The following ZNF791 variants were observed in gnomAD, a reference collection of about 807,000 sequenced individuals.
ZNF791 encodes the protein zinc finger protein 791.
ZNF791 carries 4 observed loss-of-function variants against 11.5 expected under a neutral mutation model. That is an observed-to-expected ratio of 0.35 (90% CI 0.17 to 0.80). The LOEUF is 0.80. Ranked by LOEUF, ZNF791 falls within the 30% of genes least tolerant of loss-of-function variation. ZNF791 has a pLI of 0.53. For missense variants in ZNF791, 559 were observed against 699.4 expected (o/e 0.80, Z 2.26); for synonymous variants, 212 against 228.1 (o/e 0.93, Z 0.64).
intron 2 of ZNF791, 143 bp from the exon 3 acceptor site, chr19:12,624,507 A>C (rs987900552): frequency 1.5e-5 from 9 of 606,764 alleles, no homozygotes; most frequent in Non-Finnish European, 2.5e-5. Flanking sequence ...GCTCATAATC[A>C]CTGTTCCGAG....
At chr19:12,614,743 C>T (rs1185711476) in intron 1 of ZNF791, among the ~76,000 whole-genome samples, 11 of 151,486 alleles carry the variant, frequency 7.3e-5, no homozygotes, top group East Asian at 3.9e-4. Flanking sequence ...TACAGGCGTG[C>T]GCCACCATGC....
At chr19:12,624,350 A>G (rs957220046) in intron 2 of ZNF791, among the ~76,000 whole-genome samples, 1 of 151,038 alleles carries the variant, frequency 6.6e-6, no homozygotes, top group South Asian at 2.1e-4. Context: ...ACGGGGTTTT[A>G]TCATGTTGGC....
At position 12,633,834 on chromosome 19, in the gene ZNF791, A is replaced by T. The variant is rs35805590; in HGVS notation, c.*4574A>T. The T allele has an allele frequency of 1.3e-5, 2 of 150,818 alleles. No homozygotes were observed. Among genetic ancestry groups the T allele is most frequent in the Non-Finnish European group, 2.9e-5 (2 of 67,874 alleles). 9.3% of individuals were successfully genotyped at this position (150,818 alleles called of 1,614,324 possible). Reference sequence around the variant, plus strand: ...AGTAAAACAGTAAAAAAAAAAAAAAACAACTATATGGGAGTTTGTTCTCTT... The same window carrying T: ...AGTAAAACAGTAAAAAAAAAAAAAATCAACTATATGGGAGTTTGTTCTCTT... On this transcript the variant is annotated 3_prime_UTR_variant, in exon 4 of 4. Coordinates refer to ENST00000343325, the MANE Select transcript of ZNF791 (RefSeq NM_153358.3).
intron 1 of ZNF791, among the ~76,000 whole-genome samples, chr19:12,612,582 C>T (rs553881857): frequency 6.7e-6 from 1 of 150,270 alleles, no homozygotes; most frequent in South Asian, 2.1e-4. Context: ...GCTGGGATTA[C>T]AGGCACAAGC....
At position 12,629,071 on chromosome 19, in the gene ZNF791, C is replaced by T; in HGVS notation, c.1542C>T (p.His514=). 2 of 1,609,324 alleles carry T rather than the reference C, an allele frequency of 1.2e-6. No individual in the cohort carries two copies. Among genetic ancestry groups the T allele is most frequent in the Non-Finnish European group, 8.5e-7 (1 of 1,178,018 alleles). Residue 514 remains histidine (H), a synonymous_variant, in exon 4 of 4, where the codon CAC becomes CAT. Transcript: ENST00000343325. ...TTTATCCCACAAGCTTTCAAGGACACATGAGAATGCATACTGGAGAGAAAC... is the reference window on the plus strand; with the variant it reads ...TTTATCCCACAAGCTTTCAAGGACATATGAGAATGCATACTGGAGAGAAAC... The part of the protein sequence containing the change: ...AFIYPTSFQG[H]MRMHTGEKPY...
In ZNF791 at chr19:12,629,620, C is replaced by T. The variant is rs932975160; in HGVS notation, c.*360C>T. The T allele has an allele frequency of 7.7e-5, 12 of 156,434 alleles. No homozygotes were observed. The highest frequency in any genetic ancestry group is 5.1e-4 in the Admixed American group (8 of 15,572). The allele number at this position is 156,434 out of a possible 1,614,324, so 9.7% of individuals were successfully genotyped here. A position where few individuals can be genotyped will look rare whatever the true frequency, so the allele number is the denominator to read the frequency against. On this transcript the variant is annotated 3_prime_UTR_variant, in exon 4 of 4. Transcript: ENST00000343325. ...GACAGCGGCCGGGGACGGTGGCTCACGCCTGTAATCCCAGCACTTTGGGAG... is the reference window on the plus strand; with the variant it reads ...GACAGCGGCCGGGGACGGTGGCTCATGCCTGTAATCCCAGCACTTTGGGAG...
chr19:12,633,374 T>C lies in ZNF791; in HGVS notation c.*4114T>C, dbSNP rs1274602401. 8 of 152,172 alleles carry C rather than the reference T, an allele frequency of 5.3e-5. No homozygotes were observed. The highest frequency in any genetic ancestry group is 1.0e-4 in the Non-Finnish European group (7 of 68,028). The allele number at this position is 152,172 out of a possible 1,614,324, so 9.4% of individuals were successfully genotyped here. A position where few individuals can be genotyped will look rare whatever the true frequency, so the allele number is the denominator to read the frequency against. On this transcript the variant is annotated 3_prime_UTR_variant, in exon 4 of 4. Transcript: ENST00000343325. Reference sequence around the variant, plus strand: ...AATTTCCTAGAATCTGTTCCCTTTATAGATCCATGTTGAAATTCACTTATA... The same window carrying C: ...AATTTCCTAGAATCTGTTCCCTTTACAGATCCATGTTGAAATTCACTTATA...
intron 1 of ZNF791, among the ~76,000 whole-genome samples, chr19:12,616,398 G>A (rs867450521): frequency 2.4e-4 from 37 of 152,288 alleles, no homozygotes; most frequent in African/African-American, 8.7e-4. Flanking sequence ...TATAAGCCCA[G>A]CATGGGCAAC....
rs775862452 is a variant in ZNF791 at position 12,628,608 on chromosome 19, A to G, written c.1079A>G (p.Glu360Gly). 36 of 1,603,584 alleles carry G rather than the reference A, an allele frequency of 2.2e-5. No homozygotes were observed. Among genetic ancestry groups the G allele is most frequent in the Non-Finnish European group, 2.8e-5 (33 of 1,175,662 alleles). ...HTGEKPYKCKECGKAFSRISY... is the reference protein window; with the variant it reads ...HTGEKPYKCKGCGKAFSRISY... ...GGAGAGAAACCCTATAAGTGTAAAG[A>G]ATGTGGGAAAGCCTTTAGTAGAATC... Residue 360 changes from glutamate to glycine, a missense_variant, in exon 4 of 4, where the codon GAA becomes GGA. By Grantham distance (98) the Glu-to-Gly change is moderately conservative. Transcript: ENST00000343325.
At chr19:12,619,854 GTT>G (rs66853581) in intron 1 of ZNF791, among the ~76,000 whole-genome samples, 62 of 149,992 alleles carry the variant, frequency 4.1e-4, no homozygotes, top group Non-Finnish European at 6.4e-4. Flanking sequence ...TTTTTTTTCT[GTT>G]TTTTTTTCTT....
chr19:12,623,866 TTTTTG>T, intron 2 of ZNF791, 40 bp downstream of exon 2: 7 of 989,980 alleles, frequency 7.1e-6, no homozygotes, highest in Non-Finnish European at 8.7e-6. Flanking sequence ...TTTTTTTTTT[TTTTTG>T]GGGGGGGACA....
At position 12,628,665 on chromosome 19, in the gene ZNF791, C is replaced by G. The variant is rs766215124; in HGVS notation, c.1136C>G (p.Thr379Ser). The G allele has an allele frequency of 3.1e-6, 5 of 1,605,960 alleles. No homozygotes were observed. The Admixed American group carries it at 8.6e-5, about 28-fold the overall frequency. Residue 379 changes from threonine to serine, a missense_variant, in exon 4 of 4, where the codon ACT (threonine) becomes AGT (serine). Coordinates refer to ENST00000343325, the MANE Select transcript of ZNF791 (RefSeq NM_153358.3). ...SYFRIHERTH[T>S]GEKPYECKKC... is the part of the protein sequence containing the mutation. ...TTTCGAATACATGAAAGGACTCACA[C>G]TGGAGAGAAACCCTACGAATGTAAA...
chr19:12,625,006 C>T (rs994875832), intron 3 of ZNF791, among the ~76,000 whole-genome samples: 3 of 151,400 alleles, frequency 2.0e-5, no homozygotes, highest in Non-Finnish European at 2.9e-5. Context: ...GCCGAGATCG[C>T]GCCACTGCAC....
intron 1 of ZNF791, among the ~76,000 whole-genome samples, chr19:12,612,029 A>T (rs1041994470): frequency 6.6e-6 from 1 of 152,212 alleles, no homozygotes; most frequent in African/African-American, 2.4e-5. Flanking sequence ...TTTGTTAAAA[A>T]TTCTTTGTTC....
chr19:12,628,683 A>G lies in ZNF791; in HGVS notation c.1154A>G (p.Glu385Gly), dbSNP rs752348064. The G allele has an allele frequency of 1.9e-6, 3 of 1,601,576 alleles. No homozygotes were observed. The highest frequency in any genetic ancestry group is 2.6e-6 in the Non-Finnish European group (3 of 1,175,308). The change falls in exon 4 of 4, where the codon GAA (glutamate) becomes GGA (glycine). Residue 385 changes from glutamate to glycine, a missense_variant. Coordinates refer to ENST00000343325, the MANE Select transcript of ZNF791 (RefSeq NM_153358.3). ...ACTCACACTGGAGAGAAACCCTACG[A>G]ATGTAAAAAATGTGGGAAAACTTTC... is the stretch of plus-strand genomic sequence containing the variant. ...ERTHTGEKPY[E>G]CKKCGKTFNY...
At chr19:12,614,164 G>T (rs1284632846) in intron 1 of ZNF791, among the ~76,000 whole-genome samples, 3 of 152,136 alleles carry the variant, frequency 2.0e-5, no homozygotes, top group African/African-American at 7.2e-5. Flanking sequence ...AGCTCCCATA[G>T]TTCCTTGCTG....
At chr19:12,621,824 T>C (rs2023353650) in intron 1 of ZNF791, among the ~76,000 whole-genome samples, 1 of 138,492 alleles carries the variant, frequency 7.2e-6, no homozygotes. Context: ...GAGGGGCGCC[T>C]CTGCCCGGCC....
chr19:12,627,896 A>G lies in ZNF791; in HGVS notation c.367A>G (p.Thr123Ala), dbSNP rs1301277937. The stretch of plus-strand genomic sequence containing the variant: ...CCTTACTAGACACATGAGGTCTCAC[A>G]CTGGATACGAGCTATTTGAGAAGCC... ...SSLTRHMRSH[T>A]GYELFEKPYK... The change falls in exon 4 of 4, where the codon ACT becomes GCT. Residue 123 changes from threonine (T) to alanine (A), a missense_variant. Thr to Ala is a moderately conservative substitution (Grantham distance 58, BLOSUM62 0). Transcript: ENST00000343325. 2.5e-6 allele frequency: 4 copies of G among 1,614,092 alleles called. No individual in the cohort carries two copies. The Admixed American group carries it at 5.0e-5, about 20-fold the overall frequency.
Position 12,632,845 on chromosome 19 carries a change from C to G in ZNF791, c.*3585C>G, listed in dbSNP as rs1386819051. 1 of 151,750 alleles carries G rather than the reference C, an allele frequency of 6.6e-6. No individual in the cohort carries two copies. The highest frequency in any genetic ancestry group is 2.4e-5 in the African/African-American group (1 of 41,278). The allele number at this position is 151,750 out of a possible 1,614,324, so 9.4% of individuals were successfully genotyped here. The stretch of plus-strand genomic sequence containing the variant: ...GCGCAGTGGCTCACACCTGTAATCC[C>G]AGCACTTTGGGAGGCCGAGGTGGGC... On this transcript the variant is annotated 3_prime_UTR_variant, in exon 4 of 4. Coordinates refer to ENST00000343325, the MANE Select transcript of ZNF791 (RefSeq NM_153358.3).
Sources: allele counts gnomAD v4.1 joint callset (sites outside exome capture counted in the v4.1 genomes callset), GRCh38; gene constraint gnomAD v4.1.1; transcripts MANE v1.5; gene names NCBI Gene and HGNC (gene_info 2026-07-23, HGNC 2026-07-21).